SEMA5A: variants seen among roughly 807,000 people sequenced by gnomAD.
The protein encoded by SEMA5A is semaphorin-5A.
Under a neutral mutation model 135.5 loss-of-function variants are expected in SEMA5A, and 55 were observed. That is an observed-to-expected ratio of 0.41 (90% CI 0.33 to 0.51). The LOEUF (loss-of-function observed/expected upper bound fraction) is 0.51, where lower values mean the gene tolerates loss of function less well. SEMA5A is among the 20% of genes least tolerant of loss of function. The pLI, the probability that SEMA5A is intolerant of heterozygous loss-of-function variation, is 0.37. For synonymous variants in SEMA5A, 580 were observed against 546.5 expected, an observed-to-expected ratio of 1.06 and a Z score of -0.85; for missense variants, 1,290 against 1,419.9, an observed-to-expected ratio of 0.91 and a Z score of 1.47.
At chr5:9,199,045 G>A (rs1248710615) in intron 9 of SEMA5A, among the ~76,000 whole-genome samples, 1 of 152,182 alleles carries the variant, frequency 6.6e-6, no homozygotes, top group African/African-American at 2.4e-5. Context: ...CCAAGTCACA[G>A]GCTGCAGAGA....
At chr5:9,420,660 A>G (rs2126630373) in intron 2 of SEMA5A, among the ~76,000 whole-genome samples, 1 of 152,258 alleles carries the variant, frequency 6.6e-6, no homozygotes, top group South Asian at 2.1e-4. Flanking sequence ...GACAATAGGA[A>G]GGCTCTCTGA....
intron 1 of SEMA5A, among the ~76,000 whole-genome samples, chr5:9,533,102 TGAC>T (rs1737548350): frequency 6.6e-6 from 1 of 152,238 alleles, no homozygotes; most frequent in African/African-American, 2.4e-5. Flanking sequence ...AGATTTAGGT[TGAC>T]AATTGAAAGA....
At chr5:9,195,457 C>A (rs924247882) in intron 10 of SEMA5A, among the ~76,000 whole-genome samples, 2 of 152,200 alleles carry the variant, frequency 1.3e-5, no homozygotes, top group Non-Finnish European at 2.9e-5. Flanking sequence ...TAGGCATGAG[C>A]CTCTGGGTCC....
chr5:9,086,379 A>G (rs4702607), intron 16 of SEMA5A, among the ~76,000 whole-genome samples: 87,838 of 151,280 alleles, frequency 0.58, 26,228 homozygotes, highest in Middle Eastern at 0.74. Flanking sequence ...GTCTGGGTGG[A>G]CCCACATGGA....
At position 9,129,195 on chromosome 5, in the gene SEMA5A, A is replaced by G. The variant is rs115526869; in HGVS notation, c.1600-6358T>C. Among the ~76,000 whole-genome samples, 1,235 of 152,322 alleles carry G rather than the reference A, an allele frequency of 8.1e-3. 5 individuals carry two copies. Among genetic ancestry groups the G allele is most frequent in the South Asian group, 0.021 (100 of 4,824 alleles). On this transcript the variant is annotated intron_variant, in intron 13 of 22. Transcript: ENST00000382496. ...GATGGCTAATGAAAGAATGAAGAGG[A>G]AAGAGGCAAATAAAATAGTGCAGAA...
chr5:9,181,811 A>T (rs1744527483), intron 11 of SEMA5A, among the ~76,000 whole-genome samples: 1 of 152,098 alleles, frequency 6.6e-6, no homozygotes, highest in Non-Finnish European at 1.5e-5. Context: ...CCACAGGTAA[A>T]GTACCCTTGC....
chr5:9,255,929 T>TC (rs1749045972), intron 5 of SEMA5A, among the ~76,000 whole-genome samples: 1 of 151,862 alleles, frequency 6.6e-6, no homozygotes, highest in East Asian at 1.9e-4. Flanking sequence ...GTGTTGCCCA[T>TC]ACACTACCCA....
At chr5:9,211,572 AC>A (rs1746348699) in intron 8 of SEMA5A, among the ~76,000 whole-genome samples, 1 of 152,026 alleles carries the variant, frequency 6.6e-6, no homozygotes, top group Non-Finnish European at 1.5e-5. Context: ...AAGTCACGCC[AC>A]CCTAGCTGTG....
At chr5:9,388,877 T>C (rs1009143401) in intron 2 of SEMA5A, among the ~76,000 whole-genome samples, 1 of 145,902 alleles carries the variant, frequency 6.9e-6, no homozygotes, top group South Asian at 2.1e-4. Context: ...CCAGCCTGGG[T>C]GACACAGCGA....
intron 11 of SEMA5A, 73 bp from the exon 12 acceptor site, chr5:9,154,768 G>T: frequency 7.5e-7 from 1 of 1,324,614 alleles, no homozygotes; most frequent in Middle Eastern, 1.9e-4. Flanking sequence ...TAAACAGAGT[G>T]TGCTGTGTAT....
chr5:9,267,283 C>G (rs1749732786), intron 5 of SEMA5A, among the ~76,000 whole-genome samples: 1 of 152,160 alleles, frequency 6.6e-6, no homozygotes, highest in Admixed American at 6.5e-5. Flanking sequence ...AAAATCTCAT[C>G]TGAATCTCCT....
intron 8 of SEMA5A, among the ~76,000 whole-genome samples, chr5:9,218,582 A>G (rs1746762809): frequency 6.6e-6 from 1 of 152,152 alleles, no homozygotes; most frequent in Non-Finnish European, 1.5e-5. Context: ...CAGCTGCTAT[A>G]CCCTCCCAAC....
chr5:9,535,680 G>C (rs748020493), intron 1 of SEMA5A, among the ~76,000 whole-genome samples: 3 of 152,160 alleles, frequency 2.0e-5, no homozygotes, highest in Non-Finnish European at 2.9e-5. Flanking sequence ...CCTTTGAGGA[G>C]TAAGGAGGCG....
intron 16 of SEMA5A, among the ~76,000 whole-genome samples, chr5:9,092,160 T>C (rs1217188152): frequency 6.6e-6 from 1 of 152,214 alleles, no homozygotes; most frequent in Non-Finnish European, 1.5e-5. Context: ...CTCATACTCA[T>C]GGTTGTTCCA....
chr5:9,382,818 A>T (rs181073146), intron 2 of SEMA5A, among the ~76,000 whole-genome samples: 27 of 152,358 alleles, frequency 1.8e-4, no homozygotes, highest in Non-Finnish European at 2.8e-4. Context: ...AGCCAAGTAC[A>T]GAGTCACCAG....
intron 5 of SEMA5A, among the ~76,000 whole-genome samples, chr5:9,259,281 C>A (rs1749270013): frequency 6.6e-6 from 1 of 152,142 alleles, no homozygotes; most frequent in Non-Finnish European, 1.5e-5. Flanking sequence ...CCAAATTTTT[C>A]CCCACATGTT....
chr5:9,298,993 C>T (rs1345360078), intron 5 of SEMA5A, among the ~76,000 whole-genome samples: 1 of 152,166 alleles, frequency 6.6e-6, no homozygotes, highest in African/African-American at 2.4e-5. Context: ...TAATATCCAT[C>T]CAGTTAGTCA....
chr5:9,513,677 C>T (rs1736347677), intron 1 of SEMA5A, among the ~76,000 whole-genome samples: 1 of 152,174 alleles, frequency 6.6e-6, no homozygotes, highest in Non-Finnish European at 1.5e-5. Flanking sequence ...TCACTGATTC[C>T]ATCTACTTCT....
chr5:9,460,485 A>G lies in SEMA5A; in HGVS notation c.-174-22633T>C, dbSNP rs563615032. Reference sequence around the variant, plus strand: ...AAAATCATATTTATGAATTAATTTAAACATAATTAGTATAAGTATATTATT... The same window carrying G: ...AAAATCATATTTATGAATTAATTTAGACATAATTAGTATAAGTATATTATT... On this transcript the variant is annotated intron_variant, in intron 1 of 22. Coordinates refer to ENST00000382496, the MANE Select transcript of SEMA5A (RefSeq NM_003966.3). Among the ~76,000 whole-genome samples, 9 of 152,304 alleles carry G rather than the reference A, an allele frequency of 5.9e-5. No homozygotes were observed. In the South Asian group the frequency reaches 1.9e-3, roughly 32 times the overall value.
Sources: gnomAD v4.1 joint callset for allele counts (sites outside exome capture counted in the v4.1 genomes callset) on GRCh38, gnomAD v4.1.1 for gene constraint, MANE v1.5 for transcripts, NCBI Gene and HGNC (gene_info 2026-07-23, HGNC 2026-07-21) for gene names.